WWOX: variants seen among roughly 807,000 people sequenced by gnomAD.
WWOX encodes the protein WW domain containing oxidoreductase, also known as WW domain-containing oxidoreductase.
WWOX carries 69 observed loss-of-function variants against 46.2 expected under a neutral mutation model. That is an observed-to-expected ratio of 1.49 (90% confidence interval 1.23 to 1.82). The LOEUF is 1.82. Among genes scored for constraint, WWOX ranks in the 40% most tolerant of loss-of-function variants. WWOX has a pLI of 0.00. For synonymous variants in WWOX, 359 were observed against 202.6 expected, an observed-to-expected ratio of 1.77 and a Z score of -6.56; for missense variants, 919 against 542.6, an observed-to-expected ratio of 1.69 and a Z score of -6.89.
intron 8 of WWOX, among the ~76,000 whole-genome samples, chr16:78,791,610 GC>G (rs1179004748): frequency 6.6e-6 from 1 of 152,086 alleles, no homozygotes; most frequent in African/African-American, 2.4e-5. Flanking sequence ...GGGTGCGGTG[GC>G]TCATACCTGT....
At chr16:78,942,587 A>T (rs2045873853) in intron 8 of WWOX, among the ~76,000 whole-genome samples, 1 of 145,782 alleles carries the variant, frequency 6.9e-6, no homozygotes, top group Non-Finnish European at 1.5e-5. Flanking sequence ...ACAATCAAGG[A>T]GAGCGTTACA....
At chr16:78,957,379 C>T (rs951083748) in intron 8 of WWOX, among the ~76,000 whole-genome samples, 16 of 152,196 alleles carry the variant, frequency 1.1e-4, no homozygotes, top group African/African-American at 3.1e-4. Flanking sequence ...TCTTTTCCCC[C>T]TGTCTCTCTT....
rs114345229 is a variant in WWOX, at chr16:78,628,819, C to A, written c.1056+196067C>A. On this transcript the variant is annotated intron_variant, in intron 8 of 8. Coordinates refer to ENST00000566780, the MANE Select transcript of WWOX (RefSeq NM_016373.4). ...ATGTTGATGCCGACGACTAGCCAGG[C>A]GCTTCCCTTCCAGCTGGTTTCGTGA... Among the ~76,000 whole-genome samples, 1,277 of 152,262 alleles carry A rather than the reference C, an allele frequency of 8.4e-3. 16 individuals carry two copies. Among genetic ancestry groups the A allele is most frequent in the African/African-American group, 0.028 (1,170 of 41,556 alleles).
At chr16:78,705,501 C>T (rs958306578) in intron 8 of WWOX, among the ~76,000 whole-genome samples, 40 of 152,278 alleles carry the variant, frequency 2.6e-4, no homozygotes, top group African/African-American at 9.4e-4. Context: ...ATCAAACCTC[C>T]CTTCGCCTCA....
Position 78,254,336 on chromosome 16 carries a change from C to T in WWOX, c.516+90047C>T, listed in dbSNP as rs999437162. Reference sequence around the variant, plus strand: ...CTGGGCTCAAGCAATCCTCCCACCTCGGCCTCCCAAAATGTTGGGATTACA... The same window carrying T: ...CTGGGCTCAAGCAATCCTCCCACCTTGGCCTCCCAAAATGTTGGGATTACA... On this transcript the variant is annotated intron_variant, in intron 5 of 8. Coordinates refer to ENST00000566780, the MANE Select transcript of WWOX (RefSeq NM_016373.4). Among the ~76,000 whole-genome samples, 24 of 151,906 alleles carry T rather than the reference C, an allele frequency of 1.6e-4. 1 individual carries two copies. The highest frequency in any genetic ancestry group is 2.1e-4 in the South Asian group (1 of 4,814).
At chr16:78,446,657 C>CTTTTTTTT (rs5818138) in intron 8 of WWOX, among the ~76,000 whole-genome samples, 1 of 88,120 alleles carries the variant, frequency 1.1e-5, no homozygotes, top group African/African-American at 4.6e-5. Context: ...CAAGTGTATA[C>CTTTTTTTT]TTTTTTTTTT....
intron 8 of WWOX, among the ~76,000 whole-genome samples, chr16:79,115,752 G>C (rs1041215695): frequency 1.3e-5 from 2 of 152,114 alleles, no homozygotes; most frequent in African/African-American, 4.8e-5. Flanking sequence ...GCGTGTAGAA[G>C]TTTCAAGTTA....
At chr16:79,110,548 G>C (rs900425101) in intron 8 of WWOX, 6 of 152,130 alleles carry the variant, frequency 3.9e-5, no homozygotes, top group Admixed American at 6.5e-5. Flanking sequence ...TGTACCTCAA[G>C]TCATTCTTGT....
intron 8 of WWOX, among the ~76,000 whole-genome samples, chr16:79,058,997 A>G (rs887714388): frequency 6.6e-6 from 1 of 152,218 alleles, no homozygotes; most frequent in African/African-American, 2.4e-5. Context: ...AATGACTATT[A>G]TACAGATTTA....
intron 8 of WWOX, among the ~76,000 whole-genome samples, chr16:79,087,137 G>A (rs918260843): frequency 1.2e-4 from 19 of 152,198 alleles, no homozygotes; most frequent in African/African-American, 4.3e-4. Flanking sequence ...AAGCCAAGTG[G>A]CATGATGAGG....
At chr16:79,197,659 T>C (rs190418197) in intron 8 of WWOX, among the ~76,000 whole-genome samples, 1 of 152,362 alleles carries the variant, frequency 6.6e-6, no homozygotes, top group Admixed American at 6.5e-5. Flanking sequence ...TTGATCGCTT[T>C]AGAAAGGCAG....
chr16:78,185,221 A>C (rs1469195538), intron 5 of WWOX, among the ~76,000 whole-genome samples: 1 of 152,216 alleles, frequency 6.6e-6, no homozygotes, highest in African/African-American at 2.4e-5. Context: ...AGAATAGCCA[A>C]AGATTTCTTT....
At chr16:78,367,842 T>C (rs1309995115) in intron 5 of WWOX, among the ~76,000 whole-genome samples, 3 of 152,036 alleles carry the variant, frequency 2.0e-5, no homozygotes, top group Non-Finnish European at 2.9e-5. Flanking sequence ...CTGCAACCTC[T>C]GCCTCCCGAG....
At chr16:78,654,770 G>C (rs183536007) in intron 8 of WWOX, among the ~76,000 whole-genome samples, 3 of 151,464 alleles carry the variant, frequency 2.0e-5, no homozygotes, top group Admixed American at 6.6e-5. Flanking sequence ...CTAATTATTT[G>C]ATTTGACATT....
chr16:78,401,814 C>G lies in WWOX; in HGVS notation c.605+14866C>G, dbSNP rs1466135043. Among the ~76,000 whole-genome samples the G allele has an allele frequency of 3.9e-5, 6 of 152,246 alleles. 1 individual carries two copies. The highest frequency in any genetic ancestry group is 1.4e-4 in the African/African-American group (6 of 41,554). On this transcript the variant is annotated intron_variant, in intron 6 of 8. Coordinates refer to ENST00000566780, the MANE Select transcript of WWOX (RefSeq NM_016373.4). ...TCCTGGGTTCAAGTGATTCTCCTGC[C>G]TCAGCCTACTGAGTAGCTGGGATTA...
intron 8 of WWOX, among the ~76,000 whole-genome samples, chr16:78,906,946 A>G (rs2044980797): frequency 6.6e-6 from 1 of 152,230 alleles, no homozygotes; most frequent in African/African-American, 2.4e-5. Flanking sequence ...AGCTATTGGC[A>G]GGTGGTGATA....
At chr16:78,269,661 G>C (rs185444208) in intron 5 of WWOX, among the ~76,000 whole-genome samples, 1 of 152,294 alleles carries the variant, frequency 6.6e-6, no homozygotes, top group East Asian at 1.9e-4. Flanking sequence ...GAAGCCTTTT[G>C]AATCAATTTG....
At chr16:78,445,792 C>A (rs2083545176) in intron 8 of WWOX, among the ~76,000 whole-genome samples, 1 of 151,188 alleles carries the variant, frequency 6.6e-6, no homozygotes, top group Non-Finnish European at 1.5e-5. Flanking sequence ...GCATGAGAAT[C>A]ACTTGAACCC....
At chr16:78,163,421 C>T (rs1408614053) in intron 4 of WWOX, among the ~76,000 whole-genome samples, 2 of 152,174 alleles carry the variant, frequency 1.3e-5, no homozygotes, top group Admixed American at 6.5e-5. Context: ...TGGCCCTTTC[C>T]TGGTGGGTCC....
Sources: allele counts gnomAD v4.1 joint callset (sites outside exome capture counted in the v4.1 genomes callset), GRCh38; gene constraint gnomAD v4.1.1; transcripts MANE v1.5; gene names NCBI Gene and HGNC (gene_info 2026-07-23, HGNC 2026-07-21).